Variants in CLEC2A observed in about 807,000 individuals in gnomAD.
CLEC2A encodes the protein keratinocyte-associated C-type lectin.
A neutral mutation model predicts 18.6 loss-of-function variants in CLEC2A; 19 were observed. The observed-to-expected ratio is 1.02, with a 90% CI of 0.71 to 1.50. The LOEUF (loss-of-function observed/expected upper bound fraction) is 1.50. CLEC2A is among the 40% of genes most tolerant of loss of function. CLEC2A has a pLI of 0.00. For synonymous variants in CLEC2A, 74 were observed against 64.0 expected (o/e 1.16, Z -0.75); for missense variants, 190 against 207.9 (o/e 0.91, Z 0.53).
At chr12:9,889,571 T>C in the CLEC2A span, among the ~76,000 whole-genome samples, 1 of 152,150 alleles carries the variant, frequency 6.6e-6, no homozygotes, top group Non-Finnish European at 1.5e-5. Flanking sequence ...TGGCCTATTC[T>C]GTGCGTTTTG....
At chr12:9,890,976 A>G in the CLEC2A span, among the ~76,000 whole-genome samples, 1 of 152,114 alleles carries the variant, frequency 6.6e-6, no homozygotes, top group Non-Finnish European at 1.5e-5. Context: ...AATTATAATC[A>G]AAGACTTTAA....
chr12:9,919,794 G>A (rs1019375422), intron 3 of CLEC2A, among the ~76,000 whole-genome samples: 3 of 152,174 alleles, frequency 2.0e-5, no homozygotes, highest in African/African-American at 4.8e-5. Flanking sequence ...CAGCAAAGAA[G>A]GTGGCCTGCC....
downstream of CLEC2A, among the ~76,000 whole-genome samples, chr12:9,908,381 C>T (rs7973046): frequency 1.5e-3 from 226 of 152,288 alleles, no homozygotes; most frequent in African/African-American, 5.3e-3. Context: ...ATAGAAGCTT[C>T]ATATGAGTTG....
chr12:9,906,025 GT>G (rs57802045), intron 4 of CLEC2A, among the ~76,000 whole-genome samples: 248 of 146,670 alleles, frequency 1.7e-3, no homozygotes, highest in African/African-American at 5.4e-3. Flanking sequence ...TATTAGTTTT[GT>G]TTTTTTTTTT....
At chr12:9,926,208 G>A in intron 2 of CLEC2A, 52 bp downstream of exon 2, 15 of 1,068,712 alleles carry the variant, frequency 1.4e-5, no homozygotes, top group Non-Finnish European at 2.1e-5. Flanking sequence ...AGATATACAT[G>A]GACCCTTCAG....
chr12:9,910,910 G>A (rs80289480), downstream of CLEC2A, among the ~76,000 whole-genome samples: 2,886 of 152,238 alleles, frequency 0.019, 111 homozygotes, highest in African/African-American at 0.065. Flanking sequence ...GAGCCCCTAT[G>A]ATTGTTAGAA....
chr12:9,918,615 G>GT lies in CLEC2A; in HGVS notation c.307-1813dup, dbSNP rs1436389872. Among the ~76,000 whole-genome samples, 5 of 152,328 alleles carry GT rather than the reference G, an allele frequency of 3.3e-5. No individual in the cohort carries two copies. The East Asian group carries it at 9.6e-4, about 29-fold the overall frequency. ...ATGATTCCATATGAATTTTAAAATA[G>GT]TTTTTTCTTTCTAATTTCATGAAGA... On this transcript the variant is annotated intron_variant, in intron 3 of 4. Transcript: ENST00000455827.
chr12:9,897,815 C>T (rs1270866293), downstream of CLEC2A, among the ~76,000 whole-genome samples: 2 of 152,114 alleles, frequency 1.3e-5, no homozygotes, highest in Non-Finnish European at 2.9e-5. Flanking sequence ...TGGGGTGGGT[C>T]AGAGATTCTC....
At chr12:9,883,879 T>A in the CLEC2A span, among the ~76,000 whole-genome samples, 2 of 152,166 alleles carry the variant, frequency 1.3e-5, no homozygotes, top group Non-Finnish European at 2.9e-5. Flanking sequence ...AACAGCACTT[T>A]TATTATGACT....
intron 4 of CLEC2A, among the ~76,000 whole-genome samples, chr12:9,905,216 T>A (rs1177940170): frequency 6.6e-6 from 1 of 152,208 alleles, no homozygotes; most frequent in East Asian, 1.9e-4. Flanking sequence ...GTGTCTCCTT[T>A]CACTCACATG....
chr12:9,898,600 A>T (rs1387200977), downstream of CLEC2A: 1 of 269,992 alleles, frequency 3.7e-6, no homozygotes, highest in African/African-American at 2.2e-5. Flanking sequence ...CATGTTGGTA[A>T]GAATTTATTT....
downstream of CLEC2A, chr12:9,895,713 T>A: frequency 6.5e-7 from 1 of 1,534,598 alleles, no homozygotes; most frequent in Non-Finnish European, 8.7e-7. Flanking sequence ...GACCAACTGA[T>A]GACAGGAGCT....
downstream of CLEC2A, among the ~76,000 whole-genome samples, chr12:9,910,436 C>G (rs1304080093): frequency 6.6e-6 from 1 of 152,190 alleles, no homozygotes; most frequent in South Asian, 2.1e-4. Context: ...GGCTCAACCT[C>G]TCCTACTAGA....
downstream of CLEC2A, among the ~76,000 whole-genome samples, chr12:9,897,080 G>A (rs1591781324): frequency 6.6e-6 from 1 of 151,858 alleles, no homozygotes; most frequent in African/African-American, 2.4e-5. Flanking sequence ...GGCTGGTCTC[G>A]AACTCCTGAC....
chr12:9,899,215 G>A (rs780601343), intron 4 of CLEC2A, among the ~76,000 whole-genome samples: 1 of 152,196 alleles, frequency 6.6e-6, no homozygotes, highest in South Asian at 2.1e-4. Context: ...TAACGTTTGG[G>A]AAATTAACCT....
intron 4 of CLEC2A, chr12:9,899,118 A>G (rs1862791480): frequency 3.9e-6 from 2 of 511,930 alleles, no homozygotes; most frequent in Non-Finnish European, 7.1e-6. Context: ...AAGCCCTACT[A>G]GTAAAAAAAA....
downstream of CLEC2A, chr12:9,895,811 A>C: frequency 6.5e-7 from 1 of 1,535,238 alleles, no homozygotes; most frequent in Non-Finnish European, 8.7e-7. Flanking sequence ...ATCTTGACGC[A>C]CAATGGAACC....
downstream of CLEC2A, among the ~76,000 whole-genome samples, chr12:9,895,462 A>C (rs988169243): frequency 1.5e-4 from 23 of 152,214 alleles, no homozygotes; most frequent in African/African-American, 5.3e-4. Flanking sequence ...TTGAGAGGTA[A>C]GGAAGAAGCT....
chr12:9,915,072 T>G (rs956472436), intron 4 of CLEC2A, among the ~76,000 whole-genome samples: 1 of 151,788 alleles, frequency 6.6e-6, no homozygotes, highest in Non-Finnish European at 1.5e-5. Flanking sequence ...AAGAAGACAT[T>G]TATGCAGCCA....
Sources: gnomAD v4.1 joint callset for allele counts (sites outside exome capture counted in the v4.1 genomes callset) on GRCh38, gnomAD v4.1.1 for gene constraint, MANE v1.5 for transcripts, NCBI Gene and HGNC (gene_info 2026-07-23, HGNC 2026-07-21) for gene names.